Variants in DOCK3 observed in about 807,000 individuals in gnomAD.
DOCK3 encodes the protein dedicator of cytokinesis 3.
Under a neutral mutation model 265.6 loss-of-function variants are expected in DOCK3, and 60 were observed. The ratio of observed to expected loss-of-function variants is 0.23; its 90% CI spans 0.18 to 0.28. The LOEUF (loss-of-function observed/expected upper bound fraction) is 0.28, where lower values mean the gene tolerates loss of function less well. Among genes scored for constraint, DOCK3 ranks in the 10% least tolerant of loss-of-function variants. The probability of loss-of-function intolerance (pLI) is 1.00; values close to 1 mark genes in which losing one functional copy is unlikely to be tolerated. For synonymous variants in DOCK3, 881 were observed against 938.0 expected (o/e 0.94, Z 1.11); for missense variants, 1,981 against 2,594.3 (o/e 0.76, Z 5.14).
chr3:50,818,145 C>G (rs1017227457), intron 2 of DOCK3, among the ~76,000 whole-genome samples: 5 of 152,182 alleles, frequency 3.3e-5, no homozygotes, highest in African/African-American at 1.2e-4. Flanking sequence ...ATTCTCTTTT[C>G]AGATTGGTGG....
chr3:50,684,145 G>A (rs1434620116), intron 1 of DOCK3, among the ~76,000 whole-genome samples: 1 of 151,718 alleles, frequency 6.6e-6, no homozygotes, highest in African/African-American at 2.4e-5. Context: ...TCTTTTTTAT[G>A]CCTTTCCCTA....
Position 50,810,705 on chromosome 3 carries a change from TAAAAG to T in DOCK3, c.122-30968_122-30964del, listed in dbSNP as rs200341920. ...GGAAGAATCTGAAAAATATATTAAA[TAAAAG>T]AGCCCAAATAGAATTTTACAGTCCA... On this transcript the variant is annotated intron_variant, in intron 2 of 52. Coordinates refer to ENST00000266037, the MANE Select transcript of DOCK3 (RefSeq NM_004947.5). Among the ~76,000 whole-genome samples the T allele has an allele frequency of 3.8e-3, 582 of 152,182 alleles. 17 individuals carry two copies. Among genetic ancestry groups the T allele is most frequent in the Admixed American group, 0.033 (508 of 15,296 alleles).
At chr3:50,766,703 C>G (rs1167150248) in intron 1 of DOCK3, among the ~76,000 whole-genome samples, 1 of 152,184 alleles carries the variant, frequency 6.6e-6, no homozygotes, top group Non-Finnish European at 1.5e-5. Context: ...GCCACACTAT[C>G]TTCCACAATG....
intron 43 of DOCK3, 99 bp downstream of exon 43, chr3:51,356,592 C>A: frequency 7.9e-7 from 1 of 1,265,286 alleles, no homozygotes; most frequent in Non-Finnish European, 1.1e-6. Context: ...AGAGCGTCGG[C>A]CACCTGCCTG....
chr3:50,844,508 A>G (rs1193994443), intron 3 of DOCK3, among the ~76,000 whole-genome samples: 3 of 152,174 alleles, frequency 2.0e-5, no homozygotes, highest in Admixed American at 6.5e-5. Flanking sequence ...GACATGAGCC[A>G]CCGTGCCTGG....
chr3:51,188,634 T>A lies in DOCK3; in HGVS notation c.1038-20140T>A, dbSNP rs543181376. Among the ~76,000 whole-genome samples the A allele has an allele frequency of 2.0e-5, 3 of 152,350 alleles. No individual in the cohort carries two copies. In the South Asian group the frequency reaches 6.2e-4, roughly 32 times the overall value. The stretch of plus-strand genomic sequence containing the variant: ...TTCTGTTATTTATCTTTCCATTCAC[T>A]ACATGCATGTGATCAAATGTTTTAG... On this transcript the variant is annotated intron_variant, in intron 12 of 52. Transcript: ENST00000266037.
intron 1 of DOCK3, among the ~76,000 whole-genome samples, chr3:50,759,914 T>C (rs1481182906): frequency 6.6e-6 from 1 of 151,954 alleles, no homozygotes; most frequent in Non-Finnish European, 1.5e-5. Context: ...CTTTATCCTG[T>C]CAGTTAATTC....
At chr3:51,312,985 T>A in intron 31 of DOCK3, 83 bp downstream of exon 31, 2 of 1,284,004 alleles carry the variant, frequency 1.6e-6, no homozygotes, top group Non-Finnish European at 2.2e-6. Context: ...TCTCCCAGGC[T>A]TTATGAATGT....
chr3:50,878,239 T>C (rs1370178582), intron 3 of DOCK3, among the ~76,000 whole-genome samples: 3 of 152,056 alleles, frequency 2.0e-5, no homozygotes, highest in Admixed American at 6.5e-5. Context: ...GGAATGCAGC[T>C]CCTCGCCAGC....
chr3:51,020,898 A>G (rs906385477), intron 5 of DOCK3, among the ~76,000 whole-genome samples: 1 of 151,894 alleles, frequency 6.6e-6, no homozygotes, highest in Non-Finnish European at 1.5e-5. Context: ...GAAGTCAAGT[A>G]GCATAATGCC....
intron 4 of DOCK3, among the ~76,000 whole-genome samples, chr3:50,929,920 C>T (rs574065222): frequency 4.3e-4 from 65 of 152,298 alleles, no homozygotes; most frequent in Middle Eastern, 3.4e-3. Context: ...ATATCCTATA[C>T]ACTAATCATT....
intron 7 of DOCK3, among the ~76,000 whole-genome samples, chr3:51,085,903 C>T (rs555830400): frequency 4.6e-5 from 7 of 152,132 alleles, no homozygotes; most frequent in African/African-American, 1.4e-4. Context: ...AAGATAAAAT[C>T]GATAAACCAC....
intron 5 of DOCK3, among the ~76,000 whole-genome samples, chr3:51,061,275 C>A (rs957256779): frequency 6.6e-6 from 1 of 152,096 alleles, no homozygotes; most frequent in Non-Finnish European, 1.5e-5. Flanking sequence ...GTGTTTATTG[C>A]GGCACTATTC....
At chr3:50,812,977 A>C (rs2043855373) in intron 2 of DOCK3, among the ~76,000 whole-genome samples, 1 of 152,202 alleles carries the variant, frequency 6.6e-6, no homozygotes, top group Non-Finnish European at 1.5e-5. Flanking sequence ...GATTTGTTTC[A>C]ATTTTATGTG....
chr3:50,966,064 T>G (rs1194049503), intron 5 of DOCK3, among the ~76,000 whole-genome samples: 1 of 151,920 alleles, frequency 6.6e-6, no homozygotes, highest in African/African-American at 2.4e-5. Flanking sequence ...ATAAGTGAGA[T>G]AATACAGATT....
intron 27 of DOCK3, among the ~76,000 whole-genome samples, chr3:51,305,584 T>C (rs1471725816): frequency 6.6e-6 from 1 of 152,140 alleles, no homozygotes. Context: ...TTGGTAGGTT[T>C]TACACCTGCC....
At chr3:51,022,658 C>T (rs914318523) in intron 5 of DOCK3, among the ~76,000 whole-genome samples, 3 of 152,116 alleles carry the variant, frequency 2.0e-5, no homozygotes, top group Non-Finnish European at 4.4e-5. Flanking sequence ...TTCTCCCATT[C>T]TATAGGTTTC....
At chr3:50,802,589 A>G (rs1488675977) in intron 2 of DOCK3, among the ~76,000 whole-genome samples, 1 of 152,096 alleles carries the variant, frequency 6.6e-6, no homozygotes, top group Non-Finnish European at 1.5e-5. Flanking sequence ...AGTACTTTGA[A>G]TATATCATCC....
chr3:51,229,067 C>CAA (rs1363000912), intron 18 of DOCK3, among the ~76,000 whole-genome samples: 1 of 152,192 alleles, frequency 6.6e-6, no homozygotes, highest in African/African-American at 2.4e-5. Flanking sequence ...GCCTTAGACT[C>CAA]AGTCTGTGGT....
Sources: allele counts gnomAD v4.1 joint callset (sites outside exome capture counted in the v4.1 genomes callset), GRCh38; gene constraint gnomAD v4.1.1; transcripts MANE v1.5; gene names NCBI Gene and HGNC (gene_info 2026-07-23, HGNC 2026-07-21).